The following CNTN5 variants were observed in gnomAD, a reference collection of about 807,000 sequenced individuals.
The protein encoded by CNTN5 is contactin-5.
In CNTN5, 77 loss-of-function variants were observed where a neutral mutation model predicts 129.1. The ratio of observed to expected loss-of-function variants is 0.60; its 90% CI spans 0.50 to 0.72. The LOEUF is 0.72. CNTN5 is among the 30% of genes least tolerant of loss of function. The pLI, the probability that CNTN5 is intolerant of heterozygous loss-of-function variation, is 0.00. For missense variants in CNTN5, 1,478 were observed against 1,328.8 expected (o/e 1.11, Z -1.75); for synonymous variants, 509 against 465.6 (o/e 1.09, Z -1.20).
intron 4 of CNTN5, among the ~76,000 whole-genome samples, chr11:99,824,717 T>C (rs1473069297): frequency 6.6e-6 from 1 of 152,000 alleles, no homozygotes; most frequent in Non-Finnish European, 1.5e-5. Context: ...TATTTAGGTG[T>C]TTAAACCACA....
chr11:99,727,948 G>C (rs1230042271), intron 3 of CNTN5, among the ~76,000 whole-genome samples: 2 of 152,186 alleles, frequency 1.3e-5, no homozygotes, highest in African/African-American at 4.8e-5. Flanking sequence ...TAAATCATTT[G>C]TCTGAGGTTT....
intron 1 of CNTN5, among the ~76,000 whole-genome samples, chr11:99,317,301 C>T (rs1348295721): frequency 6.6e-6 from 1 of 152,150 alleles, no homozygotes; most frequent in Non-Finnish European, 1.5e-5. Flanking sequence ...TTTGACCCTA[C>T]ACTGAGGCAG....
At chr11:99,119,898 G>A (rs11218462) in intron 1 of CNTN5, among the ~76,000 whole-genome samples, 108,884 of 151,980 alleles carry the variant, frequency 0.72, 39,135 homozygotes, top group African/African-American at 0.79. Flanking sequence ...TTTTTCTTTC[G>A]TATGTTTTGG....
chr11:99,702,878 A>T (rs1954583043), intron 3 of CNTN5, among the ~76,000 whole-genome samples: 1 of 150,974 alleles, frequency 6.6e-6, no homozygotes. Flanking sequence ...ACTCTCATTT[A>T]TTTTTGTTTG....
intron 1 of CNTN5, among the ~76,000 whole-genome samples, chr11:99,248,517 T>G (rs992791181): frequency 1.1e-4 from 17 of 152,178 alleles, no homozygotes; most frequent in African/African-American, 4.1e-4. Context: ...TTTTGGTGTT[T>G]TAGACATGAA....
At chr11:100,036,364 AC>A (rs1328544588) in intron 9 of CNTN5, among the ~76,000 whole-genome samples, 1 of 151,910 alleles carries the variant, frequency 6.6e-6, no homozygotes, top group Non-Finnish European at 1.5e-5. Context: ...TATTTTGGTT[AC>A]TGTAGCTTTG....
chr11:99,700,847 G>C (rs147615758), intron 3 of CNTN5, among the ~76,000 whole-genome samples: 84 of 151,244 alleles, frequency 5.6e-4, no homozygotes, highest in African/African-American at 2.0e-3. Context: ...GGAGGATAAG[G>C]CTTCAATAAG....
intron 1 of CNTN5, among the ~76,000 whole-genome samples, chr11:99,152,770 T>C (rs1860129128): frequency 6.6e-6 from 1 of 152,196 alleles, no homozygotes; most frequent in Non-Finnish European, 1.5e-5. Flanking sequence ...TGTGTTTCTG[T>C]GGTGATTGGT....
chr11:100,270,121 G>A (rs956898750), intron 17 of CNTN5, among the ~76,000 whole-genome samples: 4 of 152,040 alleles, frequency 2.6e-5, no homozygotes, highest in Non-Finnish European at 5.9e-5. Context: ...CATCAGCCCT[G>A]CAGTGCTGTG....
chr11:99,574,754 G>A (rs148634943), intron 3 of CNTN5, among the ~76,000 whole-genome samples: 1 of 151,834 alleles, frequency 6.6e-6, no homozygotes, highest in African/African-American at 2.4e-5. Flanking sequence ...TTTTGATGGG[G>A]TTGTTTGTTT....
intron 1 of CNTN5, among the ~76,000 whole-genome samples, chr11:99,258,916 C>T (rs549660828): frequency 1.3e-4 from 20 of 151,666 alleles, no homozygotes; most frequent in East Asian, 3.9e-4. Context: ...TACTCATATC[C>T]AAAAGGATAC....
intron 1 of CNTN5, among the ~76,000 whole-genome samples, chr11:99,066,905 C>T (rs1865126961): frequency 6.6e-6 from 1 of 152,102 alleles, no homozygotes; most frequent in Non-Finnish European, 1.5e-5. Flanking sequence ...TTCTCACTGG[C>T]CCCACTAAAT....
chr11:99,081,549 G>T (rs917939961), intron 1 of CNTN5, among the ~76,000 whole-genome samples: 1 of 152,068 alleles, frequency 6.6e-6, no homozygotes, highest in Non-Finnish European at 1.5e-5. Flanking sequence ...CCTAAACAAT[G>T]ATCTCAGGAT....
intron 3 of CNTN5, among the ~76,000 whole-genome samples, chr11:99,816,383 C>A (rs185050015): frequency 1.3e-5 from 2 of 152,118 alleles, no homozygotes; most frequent in African/African-American, 2.4e-5. Context: ...GTCTTCCTTA[C>A]GTCTGCAGAA....
intron 2 of CNTN5, among the ~76,000 whole-genome samples, chr11:99,492,127 A>G (rs943311549): frequency 6.6e-6 from 1 of 152,154 alleles, no homozygotes; most frequent in African/African-American, 2.4e-5. Flanking sequence ...TATTCCTGCC[A>G]ACAAAGATAC....
chr11:100,297,807 C>A, intron 19 of CNTN5, 112 bp downstream of exon 19: 1 of 787,626 alleles, frequency 1.3e-6, no homozygotes, highest in Non-Finnish European at 2.1e-6. Flanking sequence ...AGGCTAAAAA[C>A]AGTGGGAGGA....
intron 1 of CNTN5, among the ~76,000 whole-genome samples, chr11:99,098,722 A>G (rs1866588433): frequency 1.3e-5 from 2 of 152,078 alleles, no homozygotes; most frequent in African/African-American, 4.8e-5. Flanking sequence ...TTTTCTTTCA[A>G]TTACTTTAGT....
intron 2 of CNTN5, among the ~76,000 whole-genome samples, chr11:99,422,497 G>A (rs1244930922): frequency 7.4e-6 from 1 of 135,958 alleles, no homozygotes; most frequent in Non-Finnish European, 1.6e-5. Context: ...AAACAAAAGC[G>A]ATTCATGTTA....
At chr11:99,444,461 CTA>C (rs1424249811) in intron 2 of CNTN5, among the ~76,000 whole-genome samples, 2 of 152,126 alleles carry the variant, frequency 1.3e-5, no homozygotes, top group African/African-American at 4.8e-5. Context: ...CCCAATCTCA[CTA>C]TGTTTACACT....
Sources: allele counts gnomAD v4.1 joint callset (sites outside exome capture counted in the v4.1 genomes callset), GRCh38; gene constraint gnomAD v4.1.1; transcripts MANE v1.5; gene names NCBI Gene and HGNC (gene_info 2026-07-23, HGNC 2026-07-21).